Variants in REDIC1 observed in about 807,000 individuals in gnomAD.
REDIC1 encodes regulator of DNA class I crossover intermediates 1, also known as HEI10 Interacting Protein 1.
chr12:39,713,677 G>T, the REDIC1 span, among the ~76,000 whole-genome samples: 1 of 144,300 alleles, frequency 6.9e-6, no homozygotes, highest in African/African-American at 2.7e-5. Flanking sequence ...ACATATGTAT[G>T]TATGCCTGTA....
the REDIC1 span, among the ~76,000 whole-genome samples, chr12:39,735,121 G>A: frequency 6.6e-6 from 1 of 152,094 alleles, no homozygotes; most frequent in African/African-American, 2.4e-5. Context: ...ACACATTTTG[G>A]TACCTGGGAG....
the REDIC1 span, among the ~76,000 whole-genome samples, chr12:39,774,450 G>T: frequency 2.6e-5 from 4 of 151,990 alleles, no homozygotes; most frequent in South Asian, 6.2e-4. Flanking sequence ...TTATGTCAAG[G>T]GTGGCCACAT....
chr12:39,790,611 G>C, the REDIC1 span, among the ~76,000 whole-genome samples: 1 of 138,040 alleles, frequency 7.2e-6, no homozygotes, highest in Non-Finnish European at 1.5e-5. Flanking sequence ...TCTTAATCCA[G>C]TCTATGATTG....
At chr12:39,903,045 G>C in the REDIC1 span, among the ~76,000 whole-genome samples, 2 of 152,116 alleles carry the variant, frequency 1.3e-5, no homozygotes, top group African/African-American at 4.8e-5. Flanking sequence ...AGTAATATGA[G>C]TATGACTCAG....
At chr12:39,829,972 T>C in the REDIC1 span, 1 of 1,109,746 alleles carries the variant, frequency 9.0e-7, no homozygotes, top group South Asian at 1.3e-5. Context: ...CACCAGTATA[T>C]GCTGCAAAGT....
the REDIC1 span, among the ~76,000 whole-genome samples, chr12:39,699,487 C>CT: frequency 6.6e-6 from 1 of 152,224 alleles, no homozygotes; most frequent in Non-Finnish European, 1.5e-5. Context: ...GCACAGCAGT[C>CT]TGAGATCAAA....
At chr12:39,738,135 A>T in the REDIC1 span, among the ~76,000 whole-genome samples, 1 of 152,214 alleles carries the variant, frequency 6.6e-6, no homozygotes, top group African/African-American at 2.4e-5. Context: ...TAGATTTCAC[A>T]CTCATAGAAT....
the REDIC1 span, among the ~76,000 whole-genome samples, chr12:39,629,489 GT>G: frequency 6.6e-6 from 1 of 152,136 alleles, no homozygotes; most frequent in East Asian, 1.9e-4. Context: ...TATCTTTACA[GT>G]TTTATAGTTG....
the REDIC1 span, among the ~76,000 whole-genome samples, chr12:39,680,621 G>A: frequency 0.87 from 131,934 of 152,216 alleles, 57,438 homozygotes; most frequent in African/African-American, 0.92. Flanking sequence ...CAATCCCACT[G>A]CTGGGTTTCT....
the REDIC1 span, chr12:39,756,364 A>T: frequency 6.6e-6 from 1 of 152,054 alleles, no homozygotes; most frequent in African/African-American, 2.4e-5. Context: ...TTGTCACAAC[A>T]AGTGAATAAA....
the REDIC1 span, among the ~76,000 whole-genome samples, chr12:39,837,540 A>C: frequency 1.4e-5 from 2 of 143,976 alleles, no homozygotes; most frequent in East Asian, 4.1e-4. Flanking sequence ...AACTACCATC[A>C]GAGTGAACAG....
At chr12:39,705,921 C>T in the REDIC1 span, among the ~76,000 whole-genome samples, 1 of 152,036 alleles carries the variant, frequency 6.6e-6, no homozygotes, top group Non-Finnish European at 1.5e-5. Context: ...TGCCCACTTT[C>T]ATTTTTATTC....
the REDIC1 span, among the ~76,000 whole-genome samples, chr12:39,886,798 A>C: frequency 6.6e-6 from 1 of 152,330 alleles, no homozygotes; most frequent in African/African-American, 2.4e-5. Flanking sequence ...TTTTCTATGA[A>C]TCTAAGAGAC....
At chr12:39,654,792 A>G in the REDIC1 span, among the ~76,000 whole-genome samples, 1 of 152,114 alleles carries the variant, frequency 6.6e-6, no homozygotes, top group Admixed American at 6.5e-5. Flanking sequence ...TGTTTTATGT[A>G]AGAATTTGTG....
the REDIC1 span, among the ~76,000 whole-genome samples, chr12:39,698,832 G>C: frequency 6.6e-6 from 1 of 152,126 alleles, no homozygotes; most frequent in Non-Finnish European, 1.5e-5. Context: ...GTGGGATACA[G>C]CAAAAGCAGT....
the REDIC1 span, chr12:39,758,242 T>C: frequency 6.6e-6 from 1 of 151,836 alleles, no homozygotes; most frequent in Non-Finnish European, 1.5e-5. Flanking sequence ...GGTTAATGGA[T>C]TTTTAGGGCA....
the REDIC1 span, among the ~76,000 whole-genome samples, chr12:39,855,470 A>C: frequency 6.6e-5 from 10 of 152,218 alleles, 1 homozygote; most frequent in Admixed American, 6.5e-4. Context: ...GAATTATGCC[A>C]GGTCATGCTC....
At chr12:39,783,765 G>GCCCT in the REDIC1 span, among the ~76,000 whole-genome samples, 1 of 152,236 alleles carries the variant, frequency 6.6e-6, no homozygotes, top group African/African-American at 2.4e-5. Context: ...CTGGATATTA[G>GCCCT]ATGGGTAGGA....
the REDIC1 span, among the ~76,000 whole-genome samples, chr12:39,892,078 C>CA: frequency 6.6e-6 from 1 of 152,132 alleles, no homozygotes; most frequent in Non-Finnish European, 1.5e-5. Context: ...TAAAAGTTTG[C>CA]AAATTACCAA....
Sources: allele counts gnomAD v4.1 joint callset (sites outside exome capture counted in the v4.1 genomes callset), GRCh38; gene constraint gnomAD v4.1.1; transcripts MANE v1.5; gene names NCBI Gene and HGNC (gene_info 2026-07-23, HGNC 2026-07-21).